The following TIAM1 variants were observed in gnomAD, a reference collection of about 807,000 sequenced individuals.
TIAM1 encodes the protein rho guanine nucleotide exchange factor TIAM1.
A neutral mutation model predicts 163.5 loss-of-function variants in TIAM1; 65 were observed. That is an observed-to-expected ratio of 0.40 (90% confidence interval 0.33 to 0.49). TIAM1 has a LOEUF of 0.49. TIAM1 is among the 20% of genes least tolerant of loss of function. The pLI is 0.77. For synonymous variants in TIAM1, 833 were observed against 810.1 expected (o/e 1.03, Z -0.48); for missense variants, 1,789 against 2,044.7 (o/e 0.87, Z 2.41).
At chr21:31,128,822 T>TAAGGCAGTAAGGCA (rs2082305783) in intron 25 of TIAM1, among the ~76,000 whole-genome samples, 1 of 152,174 alleles carries the variant, frequency 6.6e-6, no homozygotes, top group Non-Finnish European at 1.5e-5. Context: ...AGAAAAACTG[T>TAAGGCAGTAAGGCA]GAAGGAAGAG....
At chr21:31,522,861 C>T (rs2047652124) in intron 1 of TIAM1, among the ~76,000 whole-genome samples, 1 of 152,232 alleles carries the variant, frequency 6.6e-6, no homozygotes, top group African/African-American at 2.4e-5. Flanking sequence ...ATATCTAACA[C>T]TTATTCTCAT....
Position 31,368,137 on chromosome 21 carries a change from T to C in TIAM1, c.-368-28715A>G, listed in dbSNP as rs8133225. Among the ~76,000 whole-genome samples, 1,460 of 152,316 alleles carry C rather than the reference T, an allele frequency of 9.6e-3. 26 individuals carry two copies. Among genetic ancestry groups the C allele is most frequent in the African/African-American group, 0.034 (1,402 of 41,578 alleles). The stretch of plus-strand genomic sequence containing the variant: ...TGATATTAAAGAGACTTTAACCAAC[T>C]TGATGGCAAACCTAACAAAAGATGT... On this transcript the variant is annotated intron_variant, in intron 2 of 28. Transcript: ENST00000286827.
intron 2 of TIAM1, among the ~76,000 whole-genome samples, chr21:31,329,958 C>T (rs960055183): frequency 1.8e-4 from 27 of 152,198 alleles, no homozygotes; most frequent in African/African-American, 6.3e-4. Context: ...TCCTGCCCCA[C>T]ACGCACAGCC....
intron 2 of TIAM1, among the ~76,000 whole-genome samples, chr21:31,385,876 T>TATTAGTTAATATA (rs374433599): frequency 0.17 from 15,798 of 92,302 alleles, 1,014 homozygotes; most frequent in Admixed American, 0.29. Flanking sequence ...ATATTAATTA[T>TATTAGTTAATATA]ATTAGTTAAT....
chr21:31,253,616 A>G (rs2071937744), intron 4 of TIAM1, among the ~76,000 whole-genome samples: 1 of 152,194 alleles, frequency 6.6e-6, no homozygotes, highest in Non-Finnish European at 1.5e-5. Context: ...TGGGAGTAGA[A>G]TGGCAGCAGG....
At chr21:31,156,594 A>G (rs1601332782) in intron 16 of TIAM1, among the ~76,000 whole-genome samples, 1 of 152,254 alleles carries the variant, frequency 6.6e-6, no homozygotes, top group Non-Finnish European at 1.5e-5. Context: ...TATACAGTCA[A>G]GTAGGGCTTT....
At chr21:31,170,794 T>C (rs1019893858) in intron 15 of TIAM1, among the ~76,000 whole-genome samples, 2 of 151,868 alleles carry the variant, frequency 1.3e-5, no homozygotes, top group Non-Finnish European at 2.9e-5. Context: ...TCCCAGCACT[T>C]TGGGAGGCAG....
intron 12 of TIAM1, among the ~76,000 whole-genome samples, 155 bp downstream of exon 12, chr21:31,202,753 C>T (rs1344752964): frequency 1.3e-5 from 2 of 152,160 alleles, no homozygotes; most frequent in Admixed American, 6.5e-5. Context: ...GAATACTGAG[C>T]TAAGTAGGGC....
At chr21:31,161,696 TAA>T (rs1158129439) in intron 16 of TIAM1, among the ~76,000 whole-genome samples, 1 of 152,242 alleles carries the variant, frequency 6.6e-6, no homozygotes, top group East Asian at 1.9e-4. Flanking sequence ...TCAGCTGGAA[TAA>T]AAAGTGATTA....
chr21:31,124,462 T>A (rs1311494104), intron 27 of TIAM1, 60 bp downstream of exon 27: 13 of 1,601,438 alleles, frequency 8.1e-6, no homozygotes, highest in Non-Finnish European at 9.4e-6. Flanking sequence ...TCAAGCTCAC[T>A]GGAGTTCTAC....
At chr21:31,214,877 T>C (rs1488209631) in intron 9 of TIAM1, among the ~76,000 whole-genome samples, 2 of 152,094 alleles carry the variant, frequency 1.3e-5, no homozygotes, top group Non-Finnish European at 2.9e-5. Flanking sequence ...TCCTCCCACC[T>C]TGGCCTCCTA....
intron 2 of TIAM1, among the ~76,000 whole-genome samples, chr21:31,295,264 A>T (rs1485331514): frequency 2.0e-5 from 3 of 152,214 alleles, no homozygotes; most frequent in African/African-American, 7.2e-5. Flanking sequence ...AAGTCAGGAA[A>T]TCGAGACCAT....
At position 31,379,033 on chromosome 21, in the gene TIAM1, G is replaced by A. The variant is rs894327281; in HGVS notation, c.-368-39611C>T. On this transcript the variant is annotated intron_variant, in intron 2 of 28. Transcript: ENST00000286827. ...GTCGCCCAGTTGACAATGCAATGGC[G>A]CAATCTCGGCTCACTGCAACCTCCA... Among the ~76,000 whole-genome samples the A allele has an allele frequency of 3.9e-5, 6 of 152,098 alleles. No homozygotes were observed. The East Asian group carries it at 7.7e-4, about 20-fold the overall frequency.
At chr21:31,242,860 CAAAAAAAAAA>C (rs11417948) in intron 6 of TIAM1, among the ~76,000 whole-genome samples, 1 of 95,094 alleles carries the variant, frequency 1.1e-5, no homozygotes, top group Non-Finnish European at 2.0e-5. Context: ...GACTCTGTCT[CAAAAAAAAAA>C]AAAAAAAAAG....
intron 2 of TIAM1, among the ~76,000 whole-genome samples, chr21:31,425,659 TTCTCTCTCTCTTTCTTTCTCTC>T (rs1206455893): frequency 1.5e-5 from 2 of 136,538 alleles, no homozygotes; most frequent in African/African-American, 5.6e-5. Flanking sequence ...CTTTCTTTCT[TTCTCTCTCTCTTTCTTTCTCTC>T]TCTCTCTTTC....
At chr21:31,189,044 C>A (rs1163101332) in intron 13 of TIAM1, among the ~76,000 whole-genome samples, 1 of 70,070 alleles carries the variant, frequency 1.4e-5, no homozygotes, top group Non-Finnish European at 2.5e-5. Flanking sequence ...TCCATTCCCT[C>A]TTTTTTTTTT....
chr21:31,478,697 T>C (rs1291664480), intron 1 of TIAM1, among the ~76,000 whole-genome samples: 1 of 152,212 alleles, frequency 6.6e-6, no homozygotes, highest in African/African-American at 2.4e-5. Flanking sequence ...TTTACAACAA[T>C]TTAAAGACCA....
chr21:31,129,539 T>G (rs116102535), intron 25 of TIAM1, among the ~76,000 whole-genome samples: 3,785 of 152,280 alleles, frequency 0.025, 157 homozygotes, highest in African/African-American at 0.087. Flanking sequence ...AATTAGCTGG[T>G]TGTGCTGGCA....
chr21:31,528,629 C>T (rs760032578), intron 1 of TIAM1, among the ~76,000 whole-genome samples: 4 of 151,196 alleles, frequency 2.6e-5, no homozygotes, highest in Non-Finnish European at 4.4e-5. Flanking sequence ...ATGGTGAAAC[C>T]CTGTCTCTAC....
Sources: allele counts gnomAD v4.1 joint callset (sites outside exome capture counted in the v4.1 genomes callset), GRCh38; gene constraint gnomAD v4.1.1; transcripts MANE v1.5; gene names NCBI Gene and HGNC (gene_info 2026-07-23, HGNC 2026-07-21).